Variants in NALCN observed in about 807,000 individuals in gnomAD.
NALCN encodes the protein sodium leak channel NALCN.
Under a neutral mutation model 225.3 loss-of-function variants are expected in NALCN, and 111 were observed. The ratio of observed to expected loss-of-function variants is 0.49; its 90% CI spans 0.42 to 0.58. The LOEUF is 0.58. Ranked by LOEUF, NALCN falls within the 20% of genes least tolerant of loss-of-function variation. The probability of loss-of-function intolerance (pLI) is 0.00; values close to 1 mark genes in which losing one functional copy is unlikely to be tolerated. For synonymous variants in NALCN, 764 were observed against 769.0 expected (o/e 0.99, Z 0.11); for missense variants, 1,378 against 2,202.4 (o/e 0.63, Z 7.49).
At chr13:101,318,844 T>C (rs2044647326) in intron 7 of NALCN, among the ~76,000 whole-genome samples, 1 of 152,164 alleles carries the variant, frequency 6.6e-6, no homozygotes, top group South Asian at 2.1e-4. Context: ...TGCGCAAGAT[T>C]GTCCTCACAT....
chr13:101,267,638 A>G (rs1566507355), intron 10 of NALCN, among the ~76,000 whole-genome samples: 1 of 152,200 alleles, frequency 6.6e-6, no homozygotes, highest in Non-Finnish European at 1.5e-5. Context: ...AGCCTGTTGC[A>G]TGGTGGCCAG....
intron 7 of NALCN, among the ~76,000 whole-genome samples, chr13:101,327,570 T>C (rs929755414): frequency 1.3e-5 from 2 of 152,208 alleles, no homozygotes. Context: ...TTAAGGCACA[T>C]AGCCTGTGTA....
intron 7 of NALCN, among the ~76,000 whole-genome samples, chr13:101,317,784 G>A (rs549674530): frequency 1.3e-5 from 2 of 152,260 alleles, no homozygotes; most frequent in South Asian, 4.1e-4. Context: ...TGGCTCATCA[G>A]TGTTTGCTTT....
intron 9 of NALCN, among the ~76,000 whole-genome samples, chr13:101,285,749 G>GAAT (rs34408487): frequency 0.49 from 74,176 of 151,728 alleles, 19,164 homozygotes; most frequent in East Asian, 0.81. Flanking sequence ...CTCATTCTGA[G>GAAT]AATATAGACA....
intron 10 of NALCN, among the ~76,000 whole-genome samples, chr13:101,282,386 A>G (rs764713390): frequency 6.6e-6 from 1 of 152,204 alleles, no homozygotes; most frequent in Non-Finnish European, 1.5e-5. Flanking sequence ...ACGTTATGCT[A>G]AGTGAAATGA....
At position 101,250,353 on chromosome 13, in the gene NALCN, T is replaced by C. The variant is rs980728145; in HGVS notation, c.1266+8090A>G. On this transcript the variant is annotated intron_variant, in intron 11 of 43. Coordinates refer to ENST00000251127, the MANE Select transcript of NALCN (RefSeq NM_052867.4). ...GAAGAAGAATATCAACATCAGTAGC[T>C]TGCCCTAATAGATCTCAAGGTTTAT... Among the ~76,000 whole-genome samples the C allele has an allele frequency of 2.0e-5, 3 of 152,062 alleles. No homozygotes were observed. In the East Asian group the frequency reaches 5.8e-4, roughly 29 times the overall value.
intron 6 of NALCN, among the ~76,000 whole-genome samples, chr13:101,360,200 C>CTCTCTG (rs2046208353): frequency 1.2e-5 from 1 of 86,690 alleles, no homozygotes; most frequent in Non-Finnish European, 2.7e-5. Flanking sequence ...CTCTCTCTCT[C>CTCTCTG]TCTCTCTCTC....
At chr13:101,366,987 T>A (rs1280800952) in intron 6 of NALCN, among the ~76,000 whole-genome samples, 1 of 152,162 alleles carries the variant, frequency 6.6e-6, no homozygotes, top group Non-Finnish European at 1.5e-5. Flanking sequence ...TCTACTTCAA[T>A]GAATTAACTG....
chr13:101,325,281 G>A (rs1348397808), intron 7 of NALCN, among the ~76,000 whole-genome samples: 1 of 152,132 alleles, frequency 6.6e-6, no homozygotes, highest in Non-Finnish European at 1.5e-5. Context: ...TGAGCTGTAG[G>A]AGCCAAAACA....
intron 7 of NALCN, among the ~76,000 whole-genome samples, chr13:101,335,062 C>T (rs1421896009): frequency 6.6e-6 from 1 of 152,122 alleles, no homozygotes; most frequent in African/African-American, 2.4e-5. Flanking sequence ...CCAATGAACA[C>T]TGTCTTCTAC....
chr13:101,111,021 T>C (rs991057103), intron 19 of NALCN, 104 bp downstream of exon 19: 8 of 1,159,238 alleles, frequency 6.9e-6, no homozygotes, highest in African/African-American at 4.6e-5. Flanking sequence ...CAGCCATGCC[T>C]GTCTGGCAGC....
chr13:101,126,358 T>C lies in NALCN; in HGVS notation c.2119-1677A>G, dbSNP rs922332973. Among the ~76,000 whole-genome samples the C allele has an allele frequency of 7.2e-5, 11 of 152,302 alleles. No homozygotes were observed. In the East Asian group the frequency reaches 1.7e-3, roughly 24 times the overall value. ...CTAGAACTCTTAGGAGAAAAATTAA[T>C]GTATGGACAAGGAGACAAGAGTGGA... is the stretch of plus-strand genomic sequence containing the variant. On this transcript the variant is annotated intron_variant, in intron 17 of 43. Transcript: ENST00000251127.
intron 14 of NALCN, among the ~76,000 whole-genome samples, chr13:101,180,198 C>A (rs1280805454): frequency 1.4e-5 from 2 of 143,222 alleles, no homozygotes; most frequent in Non-Finnish European, 3.1e-5. Context: ...ATACTCTCCA[C>A]CTGGTCTTTT....
At chr13:101,377,140 T>A (rs1184752706) in intron 4 of NALCN, 84 bp from the exon 5 acceptor site, 4 of 1,535,438 alleles carry the variant, frequency 2.6e-6, no homozygotes, top group Non-Finnish European at 3.6e-6. Flanking sequence ...GTTAGCAGCA[T>A]AAGTAGGTGC....
intron 13 of NALCN, among the ~76,000 whole-genome samples, chr13:101,201,739 G>T (rs1030260658): frequency 2.6e-5 from 4 of 151,708 alleles, no homozygotes; most frequent in Non-Finnish European, 5.9e-5. Flanking sequence ...GTTAAAATGT[G>T]GTGGGGAATA....
chr13:101,206,508 G>A (rs1300504574), intron 13 of NALCN, among the ~76,000 whole-genome samples: 5 of 149,522 alleles, frequency 3.3e-5, no homozygotes, highest in South Asian at 4.4e-4. Flanking sequence ...TAGCATGTCC[G>A]TGTGTGTGTG....
intron 34 of NALCN, among the ~76,000 whole-genome samples, chr13:101,080,755 ATAAT>A (rs71871055): frequency 0.064 from 8,299 of 129,974 alleles, 269 homozygotes; most frequent in South Asian, 0.14. Flanking sequence ...ACATAATTAA[ATAAT>A]TAATTATTAT....
intron 3 of NALCN, among the ~76,000 whole-genome samples, chr13:101,394,589 T>C (rs530419604): frequency 2.0e-4 from 31 of 152,288 alleles, no homozygotes; most frequent in Non-Finnish European, 4.3e-4. Flanking sequence ...GTGACAGAAA[T>C]TTTCTTCCTT....
chr13:101,214,175 C>T (rs2040633198), intron 13 of NALCN, among the ~76,000 whole-genome samples: 1 of 152,028 alleles, frequency 6.6e-6, no homozygotes, highest in South Asian at 2.1e-4. Flanking sequence ...AACCATCATT[C>T]TGAGCAAACT....
Sources: allele counts gnomAD v4.1 joint callset (sites outside exome capture counted in the v4.1 genomes callset), GRCh38; gene constraint gnomAD v4.1.1; transcripts MANE v1.5; gene names NCBI Gene and HGNC (gene_info 2026-07-23, HGNC 2026-07-21).